Variants in RGS7 observed in about 807,000 individuals in gnomAD.
The protein encoded by RGS7 is regulator of G-protein signaling 7.
In RGS7, 27 loss-of-function variants were observed where a neutral mutation model predicts 81.1. That is an observed-to-expected ratio of 0.33 (90% confidence interval 0.25 to 0.46). The LOEUF is 0.46. Among genes scored for constraint, RGS7 ranks in the 20% least tolerant of loss-of-function variants. RGS7 has a pLI of 1.00. For synonymous variants in RGS7, 208 were observed against 207.7 expected, an observed-to-expected ratio of 1.00 and a Z score of -0.01; for missense variants, 396 against 607.4, an observed-to-expected ratio of 0.65 and a Z score of 3.66.
intron 2 of RGS7, among the ~76,000 whole-genome samples, chr1:241,160,106 ATCTC>A: frequency 7.4e-6 from 1 of 135,294 alleles, no homozygotes. Context: ...GCGAGACTCC[ATCTC>A]AAAAAAAAAA....
rs911050259 is a variant in RGS7 at position 240,897,913 on chromosome 1, G to A, written c.386-27794C>T. On this transcript the variant is annotated intron_variant, in intron 6 of 18. Transcript: ENST00000440928. The stretch of plus-strand genomic sequence containing the variant: ...TTTGGCTGTGAATCCGTCTGGTACC[G>A]GACGTTTTTCGGTTGGTAGGCTATT... 3.3e-5 allele frequency among the ~76,000 whole-genome samples: 5 copies of A among 152,080 alleles called. No homozygotes were observed. In the East Asian group the frequency reaches 5.8e-4, roughly 18 times the overall value.
intron 2 of RGS7, among the ~76,000 whole-genome samples, chr1:241,101,110 T>C (rs1291589175): frequency 1.3e-5 from 2 of 152,224 alleles, no homozygotes; most frequent in African/African-American, 4.8e-5. Context: ...CATTCTTCCA[T>C]AATACCTTTA....
intron 3 of RGS7, among the ~76,000 whole-genome samples, chr1:241,022,017 G>A (rs529957412): frequency 6.6e-5 from 10 of 152,142 alleles, no homozygotes; most frequent in East Asian, 1.9e-4. Flanking sequence ...TTAGCTGTGC[G>A]GTTAAGACAG....
At chr1:241,327,140 A>AAGAG (rs2081636778) in intron 2 of RGS7, among the ~76,000 whole-genome samples, 1 of 107,222 alleles carries the variant, frequency 9.3e-6, no homozygotes, top group Admixed American at 9.3e-5. Flanking sequence ...GAAAGAAAGA[A>AAGAG]AGAAAGGAAA....
At chr1:241,249,458 ACT>A (rs1255690841) in intron 2 of RGS7, among the ~76,000 whole-genome samples, 1 of 152,106 alleles carries the variant, frequency 6.6e-6, no homozygotes, top group African/African-American at 2.4e-5. Context: ...CCAATACTAC[ACT>A]GTTTTGCTTA....
intron 3 of RGS7, among the ~76,000 whole-genome samples, chr1:240,991,670 TTA>T (rs1294437237): frequency 6.6e-6 from 1 of 152,230 alleles, no homozygotes; most frequent in African/African-American, 2.4e-5. Flanking sequence ...TTTTATATTT[TTA>T]TGTTTTAGTT....
chr1:240,891,946 A>T (rs1009186929), intron 6 of RGS7, among the ~76,000 whole-genome samples: 1 of 152,190 alleles, frequency 6.6e-6, no homozygotes, highest in African/African-American at 2.4e-5. Context: ...GAAGTGACAG[A>T]GCCAGGGCTG....
At chr1:241,002,597 T>A (rs1688312938) in intron 3 of RGS7, among the ~76,000 whole-genome samples, 2 of 152,238 alleles carry the variant, frequency 1.3e-5, no homozygotes, top group South Asian at 2.1e-4. Flanking sequence ...ATTTTATGTA[T>A]CTTTGTTTTA....
At chr1:241,201,762 G>T (rs531394292) in intron 2 of RGS7, among the ~76,000 whole-genome samples, 14 of 152,154 alleles carry the variant, frequency 9.2e-5, no homozygotes, top group Admixed American at 3.9e-4. Context: ...TTTTAGAGAT[G>T]AGAAACTTGG....
chr1:241,000,160 G>A (rs1221806521), intron 3 of RGS7, among the ~76,000 whole-genome samples: 1 of 152,170 alleles, frequency 6.6e-6, no homozygotes, highest in Non-Finnish European at 1.5e-5. Context: ...TTACTACCAG[G>A]TTGGTGTGGG....
At chr1:241,235,239 C>A (rs1412340452) in intron 2 of RGS7, among the ~76,000 whole-genome samples, 3 of 152,218 alleles carry the variant, frequency 2.0e-5, no homozygotes, top group Non-Finnish European at 2.9e-5. Context: ...GGTGACACAA[C>A]TAATTCCAGG....
chr1:241,325,021 A>G (rs1446237152), intron 2 of RGS7, among the ~76,000 whole-genome samples: 1 of 152,280 alleles, frequency 6.6e-6, no homozygotes, highest in Non-Finnish European at 1.5e-5. Context: ...TGTGAAGTTC[A>G]TAAACAAGGT....
At chr1:241,192,172 G>GTGTT (rs1558174065) in intron 2 of RGS7, among the ~76,000 whole-genome samples, 1 of 121,956 alleles carries the variant, frequency 8.2e-6, no homozygotes, top group Non-Finnish European at 1.8e-5. Flanking sequence ...GTGTGTGTGT[G>GTGTT]TGTGTGTGTG....
chr1:240,961,488 GT>G (rs1200317860), intron 4 of RGS7, among the ~76,000 whole-genome samples: 1 of 152,164 alleles, frequency 6.6e-6, no homozygotes, highest in Admixed American at 6.5e-5. Flanking sequence ...ATATGTGCAT[GT>G]TTATTTTCAC....
chr1:240,902,381 A>G (rs999158435), intron 6 of RGS7, among the ~76,000 whole-genome samples: 8 of 152,164 alleles, frequency 5.3e-5, no homozygotes, highest in African/African-American at 1.9e-4. Flanking sequence ...CTTAAAATAA[A>G]TATATTTTAT....
chr1:241,045,514 C>A (rs890026855), intron 3 of RGS7, among the ~76,000 whole-genome samples: 1 of 152,154 alleles, frequency 6.6e-6, no homozygotes, highest in African/African-American at 2.4e-5. Flanking sequence ...CAGGTGCCCA[C>A]AACCATGCCA....
chr1:240,808,199 T>C (rs762792804), intron 14 of RGS7, among the ~76,000 whole-genome samples: 2 of 152,118 alleles, frequency 1.3e-5, no homozygotes, highest in Non-Finnish European at 2.9e-5. Context: ...AACCATTTAA[T>C]TGGCCGTAAC....
chr1:241,319,112 T>C (rs1253178165), intron 2 of RGS7, among the ~76,000 whole-genome samples: 2 of 152,192 alleles, frequency 1.3e-5, no homozygotes, highest in African/African-American at 4.8e-5. Flanking sequence ...CCATAACCAT[T>C]TCTTACCCTC....
At chr1:241,289,992 C>G (rs943008260) in intron 2 of RGS7, among the ~76,000 whole-genome samples, 1 of 152,188 alleles carries the variant, frequency 6.6e-6, no homozygotes, top group Non-Finnish European at 1.5e-5. Context: ...TTTCTTATTG[C>G]TCTAAGACAG....
Sources: allele counts gnomAD v4.1 joint callset (sites outside exome capture counted in the v4.1 genomes callset), GRCh38; gene constraint gnomAD v4.1.1; transcripts MANE v1.5; gene names NCBI Gene and HGNC (gene_info 2026-07-23, HGNC 2026-07-21).